The following RBFOX1 variants were observed in gnomAD, a reference collection of about 807,000 sequenced individuals.
RBFOX1 encodes the protein RNA binding fox-1 homolog 1.
A neutral mutation model predicts 57.7 loss-of-function variants in RBFOX1; 8 were observed. The ratio of observed to expected loss-of-function variants is 0.14; its 90% CI spans 0.08 to 0.25. RBFOX1 has a LOEUF of 0.25. Among genes scored for constraint, RBFOX1 ranks in the 10% least tolerant of loss-of-function variants. The pLI is 1.00. For synonymous variants in RBFOX1, 326 were observed against 222.4 expected, an observed-to-expected ratio of 1.47 and a Z score of -4.15; for missense variants, 611 against 548.5, an observed-to-expected ratio of 1.11 and a Z score of -1.14.
intron 3 of RBFOX1, among the ~76,000 whole-genome samples, chr16:6,793,611 C>T (rs766243533): frequency 6.6e-6 from 1 of 152,098 alleles, no homozygotes; most frequent in African/African-American, 2.4e-5. Context: ...CAAGAGCAAA[C>T]TGAAAGCTTT....
intron 3 of RBFOX1, among the ~76,000 whole-genome samples, chr16:5,635,028 C>T (rs781075854): frequency 2.6e-5 from 4 of 152,126 alleles, no homozygotes; most frequent in African/African-American, 7.2e-5. Flanking sequence ...GTCAGGCAGT[C>T]TCAGAGTCTA....
chr16:6,997,115 C>T (rs561124065), intron 3 of RBFOX1, among the ~76,000 whole-genome samples: 10 of 152,064 alleles, frequency 6.6e-5, no homozygotes, highest in African/African-American at 2.4e-4. Flanking sequence ...CTGTGTTTTG[C>T]CCCCAAACTT....
intron 1 of RBFOX1, among the ~76,000 whole-genome samples, chr16:6,104,666 A>G (rs1386872533): frequency 1.3e-5 from 2 of 152,214 alleles, no homozygotes; most frequent in Admixed American, 6.5e-5. Flanking sequence ...CAAAATGTCC[A>G]TCAACTGGTG....
At chr16:7,610,709 T>C (rs1345694903) in intron 10 of RBFOX1, among the ~76,000 whole-genome samples, 1 of 152,224 alleles carries the variant, frequency 6.6e-6, no homozygotes, top group Non-Finnish European at 1.5e-5. Context: ...GAGCAATTCC[T>C]TTGAAATATT....
intron 3 of RBFOX1, among the ~76,000 whole-genome samples, chr16:6,718,889 G>A (rs1355025092): frequency 6.6e-6 from 1 of 151,884 alleles, no homozygotes; most frequent in East Asian, 1.9e-4. Context: ...TTGAGACAGA[G>A]TCTTGTACTG....
chr16:5,793,201 A>T (rs1225816647), intron 3 of RBFOX1, among the ~76,000 whole-genome samples: 3 of 152,208 alleles, frequency 2.0e-5, no homozygotes, highest in African/African-American at 7.2e-5. Flanking sequence ...AGAAGTGCTT[A>T]GAGAGGCCAG....
chr16:5,606,257 G>C (rs928475706), intron 3 of RBFOX1, among the ~76,000 whole-genome samples: 1 of 152,100 alleles, frequency 6.6e-6, no homozygotes, highest in African/African-American at 2.4e-5. Context: ...CTGTCCTCCA[G>C]TGTCCATGCC....
intron 1 of RBFOX1, among the ~76,000 whole-genome samples, chr16:5,323,422 G>A (rs956312759): frequency 6.6e-6 from 1 of 152,152 alleles, no homozygotes; most frequent in African/African-American, 2.4e-5. Flanking sequence ...ACTCTGCTGC[G>A]GTGACCCTGG....
intron 4 of RBFOX1, among the ~76,000 whole-genome samples, chr16:7,234,625 T>C (rs925150416): frequency 6.0e-5 from 9 of 150,328 alleles, no homozygotes; most frequent in African/African-American, 2.2e-4. Context: ...TATGTTTGTA[T>C]GTGCTTGTGT....
Position 5,768,165 on chromosome 16 carries a change from G to A in RBFOX1, c.319-99138G>A, listed in dbSNP as rs145672961. Among the ~76,000 whole-genome samples the A allele has an allele frequency of 5.1e-3, 769 of 152,194 alleles. 8 individuals are homozygous for A. The highest frequency in any genetic ancestry group is 8.7e-3 in the Non-Finnish European group (595 of 68,012). ...AAGCTTAATGAATGCATGTGTGGCC[G>A]CGTGAGATATATAGGATTTACCTCC... On this transcript the variant is annotated intron_variant, in intron 3 of 19. Transcript: ENST00000641259.
At chr16:7,554,045 G>T (rs1252501328) in intron 5 of RBFOX1, among the ~76,000 whole-genome samples, 2 of 152,082 alleles carry the variant, frequency 1.3e-5, no homozygotes, top group Non-Finnish European at 2.9e-5. Context: ...GGAGGTCGAG[G>T]CTGCAGCGAA....
chr16:7,654,314 C>G (rs975774570), intron 12 of RBFOX1, among the ~76,000 whole-genome samples: 4 of 152,138 alleles, frequency 2.6e-5, no homozygotes, highest in African/African-American at 9.7e-5. Flanking sequence ...TTGAATTCCT[C>G]CACAGAAAGA....
At position 5,953,236 on chromosome 16, in the gene RBFOX1, GC is replaced by G. The variant is rs367643493; in HGVS notation, c.351+85903del. Among the ~76,000 whole-genome samples, 29 of 152,280 alleles carry G rather than the reference GC, an allele frequency of 1.9e-4. No homozygotes were observed. In the East Asian group the frequency reaches 2.9e-3, roughly 15 times the overall value. ...GGAATGATTTTGCCCCTCAGATAAG[GC>G]CATCAGATAGTTAAGGATGCCCAAT... On this transcript the variant is annotated intron_variant, in intron 4 of 19. Transcript: ENST00000641259.
intron 11 of RBFOX1, among the ~76,000 whole-genome samples, chr16:7,649,348 C>T (rs576437793): frequency 6.6e-6 from 1 of 152,060 alleles, no homozygotes; most frequent in South Asian, 2.1e-4. Context: ...CTTCTGTTCA[C>T]AAGATATTGG....
chr16:6,180,111 T>A (rs931669863), intron 1 of RBFOX1, among the ~76,000 whole-genome samples: 2 of 151,912 alleles, frequency 1.3e-5, no homozygotes, highest in African/African-American at 4.8e-5. Flanking sequence ...TTCCTTTTGA[T>A]TTTTTGTCTG....
At chr16:5,724,177 G>C (rs1025666927) in intron 3 of RBFOX1, among the ~76,000 whole-genome samples, 14 of 152,114 alleles carry the variant, frequency 9.2e-5, no homozygotes, top group African/African-American at 3.4e-4. Flanking sequence ...GTTTTTTCCT[G>C]AGTGGCAAGA....
intron 4 of RBFOX1, among the ~76,000 whole-genome samples, chr16:7,144,089 GA>G (rs2074402927): frequency 6.6e-6 from 1 of 152,136 alleles, no homozygotes; most frequent in Non-Finnish European, 1.5e-5. Context: ...TCCCTTGGGG[GA>G]AAACGTCTTC....
At chr16:6,296,802 A>G (rs1215519334) in intron 1 of RBFOX1, among the ~76,000 whole-genome samples, 1 of 152,194 alleles carries the variant, frequency 6.6e-6, no homozygotes, top group African/African-American at 2.4e-5. Context: ...GAGGAAGTCC[A>G]TGCATGTGTT....
At chr16:6,267,227 AGTATATGG>A (rs1311972988) in intron 1 of RBFOX1, among the ~76,000 whole-genome samples, 1 of 152,202 alleles carries the variant, frequency 6.6e-6, no homozygotes, top group Non-Finnish European at 1.5e-5. Flanking sequence ...AAGTATTTGG[AGTATATGG>A]GCAGAAAAAA....
Sources: gnomAD v4.1 joint callset for allele counts (sites outside exome capture counted in the v4.1 genomes callset) on GRCh38, gnomAD v4.1.1 for gene constraint, MANE v1.5 for transcripts, NCBI Gene and HGNC (gene_info 2026-07-23, HGNC 2026-07-21) for gene names.